Variants in APBA1 observed in about 807,000 individuals in gnomAD.
The protein encoded by APBA1 is amyloid beta precursor protein binding family A member 1, also known as amyloid-beta A4 precursor protein-binding family A member 1.
APBA1 carries 55 observed loss-of-function variants against 86.6 expected under a neutral mutation model. The ratio of observed to expected loss-of-function variants is 0.64; its 90% CI spans 0.51 to 0.80. APBA1 has a LOEUF of 0.80. Among genes scored for constraint, APBA1 ranks in the 30% least tolerant of loss-of-function variants. The pLI is 0.00. For missense variants in APBA1, 1,090 were observed against 1,183.0 expected (o/e 0.92, Z 1.15); for synonymous variants, 511 against 493.9 (o/e 1.03, Z -0.46).
chr9:69,630,934 A>G (rs925651359), intron 1 of APBA1, among the ~76,000 whole-genome samples: 1 of 152,232 alleles, frequency 6.6e-6, no homozygotes, highest in African/African-American at 2.4e-5. Context: ...GCCTCAGAAC[A>G]AGTGAGACCT....
chr9:69,431,988 G>A (rs2133778476), intron 12 of APBA1, among the ~76,000 whole-genome samples: 1 of 151,854 alleles, frequency 6.6e-6, no homozygotes, highest in Middle Eastern at 3.4e-3. Context: ...ATAAATGAAT[G>A]ACAGCAGTGA....
intron 1 of APBA1, among the ~76,000 whole-genome samples, chr9:69,640,929 GGA>G (rs1307079713): frequency 2.0e-5 from 3 of 149,686 alleles, no homozygotes; most frequent in Non-Finnish European, 4.4e-5. Flanking sequence ...AGGGGAGAGG[GGA>G]GAGGGGAAAG....
chr9:69,452,183 T>C lies in APBA1; in HGVS notation c.1907A>G (p.Asn636Ser), dbSNP rs143800959. 12 of 1,614,102 alleles carry C rather than the reference T, an allele frequency of 7.4e-6. No homozygotes were observed. In the East Asian group the frequency reaches 8.9e-5, roughly 12 times the overall value. Residue 636 changes from asparagine (N) to serine (S), a missense_variant, in exon 9 of 13, where the codon AAT (asparagine) becomes AGT (serine). Around this residue, in one of 6 missense-constraint regions of APBA1, gnomAD observed 97 missense variants for 166.8 expected, o/e 0.58. Coordinates refer to ENST00000265381, the MANE Select transcript of APBA1 (RefSeq NM_001163.4). ...GTCATCGTTGTACATGTCCTGGGTA[T>C]TGAGCAGGTCACTATACTCCTTCTG... Reference protein sequence around the residue: ...LSQKEYSDLLNTQDMYNDDLI... With the variant: ...LSQKEYSDLLSTQDMYNDDLI...
At chr9:69,620,754 C>T (rs111508711) in intron 1 of APBA1, among the ~76,000 whole-genome samples, 7,792 of 152,242 alleles carry the variant, frequency 0.051, 248 homozygotes, top group South Asian at 0.096. Context: ...CCAAGGGGTC[C>T]GAAAGTGGCT....
chr9:69,655,838 G>C (rs1245480486), intron 1 of APBA1, among the ~76,000 whole-genome samples: 1 of 152,012 alleles, frequency 6.6e-6, no homozygotes. Flanking sequence ...ACATTAGCAG[G>C]GTGATTACAG....
intron 2 of APBA1, among the ~76,000 whole-genome samples, chr9:69,485,954 T>C (rs963065210): frequency 6.6e-6 from 1 of 151,886 alleles, no homozygotes; most frequent in Non-Finnish European, 1.5e-5. Context: ...TTCATTTTAA[T>C]TCTTTTTTTT....
intron 11 of APBA1, among the ~76,000 whole-genome samples, chr9:69,436,140 T>C (rs901368404): frequency 2.0e-5 from 3 of 149,888 alleles, no homozygotes; most frequent in Non-Finnish European, 3.0e-5. Flanking sequence ...TTGGTCTATA[T>C]CTCTGTTTGG....
chr9:69,534,371 G>A (rs766224389), intron 1 of APBA1, among the ~76,000 whole-genome samples: 26 of 152,322 alleles, frequency 1.7e-4, no homozygotes, highest in Non-Finnish European at 1.8e-4. Context: ...AAAAGTGGAA[G>A]TGAGGATGTC....
chr9:69,510,685 C>T (rs1408124924), intron 2 of APBA1, among the ~76,000 whole-genome samples: 2 of 143,816 alleles, frequency 1.4e-5, no homozygotes, highest in Non-Finnish European at 3.0e-5. Flanking sequence ...TACAAGGCTA[C>T]AGTCACCACA....
At chr9:69,448,981 T>C (rs759843581) in intron 10 of APBA1, among the ~76,000 whole-genome samples, 2 of 152,232 alleles carry the variant, frequency 1.3e-5, no homozygotes, top group Non-Finnish European at 2.9e-5. Flanking sequence ...TTCTTAGCTT[T>C]ATAAGCATCA....
chr9:69,670,236 GA>G (rs1014135947), intron 1 of APBA1, among the ~76,000 whole-genome samples: 3 of 151,284 alleles, frequency 2.0e-5, no homozygotes, highest in African/African-American at 7.3e-5. Context: ...TACATGGGAA[GA>G]AAAAAAAGCA....
Position 69,456,413 on chromosome 9 carries a change from G to C in APBA1, c.1622C>G (p.Pro541Arg). 6.2e-7 allele frequency: 1 copy of C among 1,603,034 alleles called. No homozygotes were observed. The highest frequency in any genetic ancestry group is 8.5e-7 in the Non-Finnish European group (1 of 1,173,402). The part of the protein sequence containing the change: ...ADTQETMMDH[P>R]LRTISYIADI... Reference sequence around the variant, plus strand: ...CGCAATGTAGGAAATGGTCCTCAGAGGGTGGTCCATCATTGTCTCCTGGAG... The same window carrying C: ...CGCAATGTAGGAAATGGTCCTCAGACGGTGGTCCATCATTGTCTCCTGGAG... Residue 541 changes from proline (P) to arginine (R), a missense_variant, in exon 8 of 13, where the codon CCT becomes CGT. By Grantham distance (103) the Pro-to-Arg change is moderately radical. This residue lies in a region of APBA1 where 103 missense variants were observed against 91.9 expected (regional missense o/e 1.12). Transcript: ENST00000265381.
Position 69,449,779 on chromosome 9 carries a change from C to A in APBA1, c.1986G>T (p.Gln662His). 6.2e-7 allele frequency: 1 copy of A among 1,610,934 alleles called. No homozygotes were observed. The highest frequency in any genetic ancestry group is 8.5e-7 in the Non-Finnish European group (1 of 1,177,382). The change falls in exon 10 of 13, where the codon CAG becomes CAT. Residue 662 changes from glutamine (Q) to histidine (H), a missense_variant. Around this residue, in one of 6 missense-constraint regions of APBA1, gnomAD observed 97 missense variants for 166.8 expected, o/e 0.58. Transcript: ENST00000265381. ...ENCKDVFIEKQKGEILGVVIV... is the reference protein window; with the variant it reads ...ENCKDVFIEKHKGEILGVVIV... ...TCACCACACCTAGGATTTCTCCTTT[C>A]TGCTTCTCTATGAAAACCTGGAAGG...
intron 1 of APBA1, among the ~76,000 whole-genome samples, chr9:69,658,358 C>CTTTCTTTCTT (rs1251514928): frequency 4.8e-5 from 6 of 126,094 alleles, no homozygotes; most frequent in African/African-American, 1.8e-4. Context: ...TTCTTTCTTT[C>CTTTCTTTCTT]TGTGTTTCTC....
At chr9:69,452,368 C>CT in intron 8 of APBA1, 67 bp from the exon 9 acceptor site, 1 of 1,498,432 alleles carries the variant, frequency 6.7e-7, no homozygotes, top group Non-Finnish European at 9.2e-7. Flanking sequence ...GCCTGGCGCA[C>CT]TTCCCACCTG....
chr9:69,577,962 A>G (rs894677005), intron 1 of APBA1, among the ~76,000 whole-genome samples: 33 of 152,162 alleles, frequency 2.2e-4, no homozygotes, highest in Non-Finnish European at 2.9e-4. Context: ...GAGAAAGCCT[A>G]TCATCCCAAG....
chr9:69,608,700 G>A (rs1822524169), intron 1 of APBA1, among the ~76,000 whole-genome samples: 1 of 152,098 alleles, frequency 6.6e-6, no homozygotes, highest in Non-Finnish European at 1.5e-5. Flanking sequence ...AGTCTTAGAG[G>A]GTAATTATAT....
intron 1 of APBA1, among the ~76,000 whole-genome samples, chr9:69,588,450 A>G (rs1375379553): frequency 6.6e-6 from 1 of 152,130 alleles, no homozygotes; most frequent in Non-Finnish European, 1.5e-5. Flanking sequence ...TTGGAAATCA[A>G]GGAAAAGAAA....
chr9:69,516,995 C>G lies in APBA1; in HGVS notation c.216G>C (p.Gly72=). ...AQLGQEEEER[G]ECLARSASTE... is the part of the protein sequence containing the mutation. ...TGCTGGCTGAGCGCGCCAGGCATTC[C>G]CCGCGCTCCTCTTCCTCCTGGCCGA... The change falls in exon 2 of 13, where the codon GGG becomes GGC. Residue 72 remains glycine, a synonymous_variant. Coordinates refer to ENST00000265381, the MANE Select transcript of APBA1 (RefSeq NM_001163.4). This position sits in a 1 kb window ranked among gnomAD's most constrained non-coding sequence, Gnocchi z 7.3. 1 of 1,582,196 alleles carries G rather than the reference C, an allele frequency of 6.3e-7. No homozygotes were observed. Among genetic ancestry groups the G allele is most frequent in the Non-Finnish European group, 8.5e-7 (1 of 1,171,026 alleles).
Sources: gnomAD v4.1 joint callset for allele counts (sites outside exome capture counted in the v4.1 genomes callset) on GRCh38, gnomAD v4.1.1 for gene constraint, gnomAD v4.1.1 regional missense constraint, Gnocchi (gnomAD v3.1) non-coding constraint, MANE v1.5 for transcripts, NCBI Gene and HGNC (gene_info 2026-07-23, HGNC 2026-07-21) for gene names.